Variants in ZFAND3 observed in about 807,000 individuals in gnomAD.
The protein encoded by ZFAND3 is zinc finger AN1-type containing 3, also known as AN1-type zinc finger protein 3.
ZFAND3 carries 10 observed loss-of-function variants against 29.6 expected under a neutral mutation model. The observed-to-expected ratio is 0.34, with a 90% confidence interval of 0.21 to 0.57. ZFAND3 has a LOEUF of 0.57. ZFAND3 is among the 20% of genes least tolerant of loss of function. ZFAND3 has a pLI of 0.86. For missense variants in ZFAND3, 230 were observed against 304.5 expected, an observed-to-expected ratio of 0.76 and a Z score of 1.82; for synonymous variants, 128 against 112.6, an observed-to-expected ratio of 1.14 and a Z score of -0.87.
chr6:38,025,884 C>T (rs532276434), intron 2 of ZFAND3, among the ~76,000 whole-genome samples: 1 of 152,134 alleles, frequency 6.6e-6, no homozygotes, highest in South Asian at 2.1e-4. Context: ...TCTGGAAAGT[C>T]GGAAGGGAAT....
intron 1 of ZFAND3, among the ~76,000 whole-genome samples, chr6:37,886,614 T>C (rs182339248): frequency 1.9e-3 from 286 of 152,334 alleles, no homozygotes; most frequent in African/African-American, 6.4e-3. Flanking sequence ...GTAAAGCTAT[T>C]AAGAAGGTGG....
At chr6:38,078,736 G>A (rs1040649626) in intron 3 of ZFAND3, among the ~76,000 whole-genome samples, 2 of 152,060 alleles carry the variant, frequency 1.3e-5, no homozygotes, top group East Asian at 1.9e-4. Flanking sequence ...ACACACATAC[G>A]TACTACATTT....
At position 38,115,044 on chromosome 6, in the gene ZFAND3, A is replaced by G. The variant is rs571628545; in HGVS notation, c.362-1528A>G. On this transcript the variant is annotated intron_variant, in intron 4 of 5. Transcript: ENST00000287218. The stretch of plus-strand genomic sequence containing the variant: ...GATCAGGGAAGAAGCCTTCAATGAA[A>G]ATGTGACTTTGCAAAATAAAATTTA... Among the ~76,000 whole-genome samples, 8 of 152,278 alleles carry G rather than the reference A, an allele frequency of 5.3e-5. No individual in the cohort carries two copies. In the East Asian group the frequency reaches 1.4e-3, roughly 26 times the overall value.
chr6:38,076,458 G>A (rs1328042074), intron 3 of ZFAND3, among the ~76,000 whole-genome samples: 2 of 152,040 alleles, frequency 1.3e-5, no homozygotes, highest in Non-Finnish European at 1.5e-5. Flanking sequence ...ATACGATTTT[G>A]TTGAGAAAGA....
At chr6:37,874,171 C>T (rs375614088) in intron 1 of ZFAND3, among the ~76,000 whole-genome samples, 3 of 152,108 alleles carry the variant, frequency 2.0e-5, no homozygotes, top group East Asian at 3.9e-4. Context: ...CCATCTTCTC[C>T]CTGTGTGTTC....
chr6:37,834,340 T>C (rs758393694), intron 1 of ZFAND3, among the ~76,000 whole-genome samples: 58 of 152,192 alleles, frequency 3.8e-4, no homozygotes, highest in Non-Finnish European at 6.6e-4. Flanking sequence ...TGCTAGCTCA[T>C]TTTTAGTGCT....
intron 2 of ZFAND3, among the ~76,000 whole-genome samples, chr6:37,942,382 T>C (rs1415772708): frequency 6.6e-6 from 1 of 152,176 alleles, no homozygotes; most frequent in South Asian, 2.1e-4. Context: ...AATGTACTTT[T>C]TTCCTTCATG....
intron 2 of ZFAND3, among the ~76,000 whole-genome samples, chr6:38,054,302 G>C (rs931726636): frequency 6.6e-6 from 1 of 151,076 alleles, no homozygotes; most frequent in African/African-American, 2.4e-5. Flanking sequence ...GCTGAGGTGG[G>C]AGCGTCACTT....
intron 1 of ZFAND3, among the ~76,000 whole-genome samples, chr6:37,835,972 T>C (rs1763961131): frequency 6.6e-6 from 1 of 152,202 alleles, no homozygotes. Flanking sequence ...GCATGAAATA[T>C]GTTGAATTTT....
chr6:38,132,849 A>G (rs573131816), intron 5 of ZFAND3, among the ~76,000 whole-genome samples: 1 of 152,298 alleles, frequency 6.6e-6, no homozygotes, highest in African/African-American at 2.4e-5. Context: ...TCTAGAACAC[A>G]TACTCATTCC....
intron 2 of ZFAND3, among the ~76,000 whole-genome samples, chr6:37,965,791 G>C (rs1214051837): frequency 6.6e-6 from 1 of 152,078 alleles, no homozygotes; most frequent in African/African-American, 2.4e-5. Context: ...TTTGAGACAG[G>C]ATCTCTGTAA....
chr6:37,916,002 C>T (rs1761242962), intron 1 of ZFAND3, among the ~76,000 whole-genome samples: 1 of 151,478 alleles, frequency 6.6e-6, no homozygotes, highest in African/African-American at 2.4e-5. Context: ...CTCTTGACCT[C>T]AGGTGATCCG....
rs1037394672 is a variant in ZFAND3 at position 37,884,668 on chromosome 6, A to G, written c.72-45291A>G. Among the ~76,000 whole-genome samples the G allele has an allele frequency of 4.1e-5, 6 of 144,590 alleles. 2 individuals carry two copies. The highest frequency in any genetic ancestry group is 1.7e-4 in the African/African-American group (6 of 35,516). 94.9% of individuals were successfully genotyped at this position (144,590 alleles called of 152,430 possible). The stretch of plus-strand genomic sequence containing the variant: ...ATTTGTCATTTATCTGCTACTCTAA[A>G]TATCAAGTGGCAGGGCAAGATTACC... On this transcript the variant is annotated intron_variant, in intron 1 of 5. Transcript: ENST00000287218.
chr6:37,837,459 G>C (rs573445240), intron 1 of ZFAND3, among the ~76,000 whole-genome samples: 1 of 151,258 alleles, frequency 6.6e-6, no homozygotes, highest in East Asian at 1.9e-4. Context: ...TTCAGCATTG[G>C]AACTGTGTAA....
chr6:38,082,558 C>T, intron 4 of ZFAND3, 101 bp downstream of exon 4: 1 of 1,115,494 alleles, frequency 9.0e-7, no homozygotes, highest in Non-Finnish European at 1.3e-6. Context: ...ACTCTGATTT[C>T]TTCCGTCAGT....
chr6:38,102,339 TTGTC>T (rs1251513474), intron 4 of ZFAND3, among the ~76,000 whole-genome samples: 1 of 152,214 alleles, frequency 6.6e-6, no homozygotes, highest in Non-Finnish European at 1.5e-5. Context: ...ATCTGACTTT[TTGTC>T]TGTATGTGTG....
intron 2 of ZFAND3, among the ~76,000 whole-genome samples, chr6:38,012,212 T>C (rs1369460453): frequency 1.3e-5 from 2 of 152,072 alleles, no homozygotes; most frequent in African/African-American, 4.8e-5. Flanking sequence ...AGGGAGACAT[T>C]TGGTAAAGTA....
At chr6:38,030,706 AG>A (rs1400771008) in intron 2 of ZFAND3, among the ~76,000 whole-genome samples, 2 of 152,176 alleles carry the variant, frequency 1.3e-5, no homozygotes, top group Non-Finnish European at 2.9e-5. Flanking sequence ...AATAAAGGAA[AG>A]AAGACATTTT....
chr6:37,941,534 T>G (rs1398569692), intron 2 of ZFAND3, among the ~76,000 whole-genome samples: 1 of 152,218 alleles, frequency 6.6e-6, no homozygotes, highest in African/African-American at 2.4e-5. Context: ...CTTCATTTCT[T>G]AACATCTTTC....
Sources: allele counts gnomAD v4.1 joint callset (sites outside exome capture counted in the v4.1 genomes callset), GRCh38; gene constraint gnomAD v4.1.1; transcripts MANE v1.5; gene names NCBI Gene and HGNC (gene_info 2026-07-23, HGNC 2026-07-21).